ERBB4: variants seen among roughly 807,000 people sequenced by gnomAD.
The protein encoded by ERBB4 is erb-b2 receptor tyrosine kinase 4.
ERBB4 carries 42 observed loss-of-function variants against 158.0 expected under a neutral mutation model. That is an observed-to-expected ratio of 0.27 (90% CI 0.21 to 0.34). The LOEUF is 0.34. Ranked by LOEUF, ERBB4 falls within the 10% of genes least tolerant of loss-of-function variation. The pLI, the probability that ERBB4 is intolerant of heterozygous loss-of-function variation, is 1.00. For missense variants in ERBB4, 1,333 were observed against 1,624.1 expected, an observed-to-expected ratio of 0.82 and a Z score of 3.08; for synonymous variants, 583 against 558.7, an observed-to-expected ratio of 1.04 and a Z score of -0.61.
intron 1 of ERBB4, among the ~76,000 whole-genome samples, chr2:212,279,127 AAAT>A (rs1257515702): frequency 6.6e-6 from 1 of 151,660 alleles, no homozygotes; most frequent in African/African-American, 2.4e-5. Flanking sequence ...AATATTGTAT[AAAT>A]AATGAGTTAT....
intron 20 of ERBB4, among the ~76,000 whole-genome samples, chr2:211,497,489 A>C (rs1176863740): frequency 6.6e-6 from 1 of 152,126 alleles, no homozygotes; most frequent in Non-Finnish European, 1.5e-5. Flanking sequence ...CCTATAAAAA[A>C]AATCACTGAT....
rs183082389 is a variant in ERBB4, at chr2:211,975,914, A to T, written c.235-28298T>A. 7.3e-4 allele frequency among the ~76,000 whole-genome samples: 111 copies of T among 152,252 alleles called. 1 individual carries two copies. Among genetic ancestry groups the T allele is most frequent in the Admixed American group, 2.0e-4 (3 of 15,300 alleles). ...TGGTCAATTATTCTTTACTAATATT[A>T]TTCTATTTAAATGTTATCCTAACAT... On this transcript the variant is annotated intron_variant, in intron 2 of 27. Transcript: ENST00000342788.
chr2:212,374,569 G>A (rs2090255224), intron 1 of ERBB4, among the ~76,000 whole-genome samples: 1 of 151,526 alleles, frequency 6.6e-6, no homozygotes, highest in Non-Finnish European at 1.5e-5. Context: ...TTTTTAGAAG[G>A]CTTCAAGTTT....
At chr2:211,861,460 C>A (rs2078053920) in intron 3 of ERBB4, among the ~76,000 whole-genome samples, 1 of 149,842 alleles carries the variant, frequency 6.7e-6, no homozygotes, top group Non-Finnish European at 1.5e-5. Flanking sequence ...ACTTCAGCCT[C>A]TCGAAGTGCT....
chr2:211,574,587 T>A (rs1879532), intron 19 of ERBB4, among the ~76,000 whole-genome samples: 2 of 152,018 alleles, frequency 1.3e-5, no homozygotes, highest in African/African-American at 4.8e-5. Flanking sequence ...TCAGAATTGA[T>A]GTGAAAAATT....
In ERBB4 at chr2:211,597,370, T is replaced by C. The variant is rs1225976387; in HGVS notation, c.2301+21807A>G. Among the ~76,000 whole-genome samples the C allele has an allele frequency of 3.9e-5, 6 of 152,304 alleles. No homozygotes were observed. In the East Asian group the frequency reaches 1.2e-3, roughly 29 times the overall value. Reference sequence around the variant, plus strand: ...TACATATTTTCTGCATTTCTATGAGTGTATATTAGTTTATAATCAGAACAT... The same window carrying C: ...TACATATTTTCTGCATTTCTATGAGCGTATATTAGTTTATAATCAGAACAT... On this transcript the variant is annotated intron_variant, in intron 19 of 27. Transcript: ENST00000342788.
At chr2:212,185,012 C>CT (rs558105806) in intron 1 of ERBB4, among the ~76,000 whole-genome samples, 2,795 of 139,954 alleles carry the variant, frequency 0.02, 44 homozygotes, top group Non-Finnish European at 0.028. Context: ...ATCACAGTTA[C>CT]TTTTTTTTCT....
chr2:212,113,411 A>G (rs1408020790), intron 2 of ERBB4, among the ~76,000 whole-genome samples: 1 of 151,672 alleles, frequency 6.6e-6, no homozygotes, highest in Non-Finnish European at 1.5e-5. Context: ...CGTCTCTACT[A>G]AAAATACAAA....
At chr2:212,500,985 T>G (rs186013003) in intron 1 of ERBB4, among the ~76,000 whole-genome samples, 1 of 152,100 alleles carries the variant, frequency 6.6e-6, no homozygotes, top group Non-Finnish European at 1.5e-5. Flanking sequence ...AGGGGGAAAT[T>G]CATAAATATC....
chr2:212,219,698 A>C (rs907698305), intron 1 of ERBB4, among the ~76,000 whole-genome samples: 3 of 151,350 alleles, frequency 2.0e-5, no homozygotes, highest in Non-Finnish European at 3.0e-5. Flanking sequence ...CACACACCCC[A>C]TATCCTGATC....
intron 20 of ERBB4, among the ~76,000 whole-genome samples, chr2:211,515,912 A>ATATATATATATATATATATTTTTT (rs35696520): frequency 1.6e-4 from 13 of 78,980 alleles, no homozygotes; most frequent in East Asian, 3.3e-4. Flanking sequence ...ATATATATAT[A>ATATATATATATATATATATTTTTT]TTTTTTTTTT....
intron 1 of ERBB4, among the ~76,000 whole-genome samples, chr2:212,314,708 A>G (rs929486922): frequency 6.6e-6 from 1 of 151,222 alleles, no homozygotes; most frequent in Non-Finnish European, 1.5e-5. Flanking sequence ...AAAGGAAAAT[A>G]TCAATTAATA....
intron 3 of ERBB4, among the ~76,000 whole-genome samples, chr2:211,924,981 C>T (rs1167004327): frequency 6.6e-6 from 1 of 152,082 alleles, no homozygotes; most frequent in East Asian, 1.9e-4. Context: ...AGTGTCTGAG[C>T]TCCAGAGGGT....
chr2:212,415,956 T>C (rs2091639802), intron 1 of ERBB4, among the ~76,000 whole-genome samples: 1 of 151,988 alleles, frequency 6.6e-6, no homozygotes, highest in South Asian at 2.1e-4. Context: ...GAGTGCAAAA[T>C]AAAAACATGA....
intron 9 of ERBB4, among the ~76,000 whole-genome samples, chr2:211,707,087 C>G (rs1266152544): frequency 1.3e-5 from 2 of 152,100 alleles, no homozygotes; most frequent in African/African-American, 2.4e-5. Flanking sequence ...AATCAAATAT[C>G]TTGGCTTTAT....
At chr2:212,507,410 T>C (rs1208971514) in intron 1 of ERBB4, among the ~76,000 whole-genome samples, 4 of 152,190 alleles carry the variant, frequency 2.6e-5, no homozygotes, top group African/African-American at 9.7e-5. Flanking sequence ...ATATACTTCA[T>C]AAGGCTGTAC....
chr2:211,748,922 G>A (rs898487921), intron 5 of ERBB4, among the ~76,000 whole-genome samples: 1 of 152,156 alleles, frequency 6.6e-6, no homozygotes. Flanking sequence ...GCACTGGGAT[G>A]CAACTTAGCC....
At chr2:212,362,019 A>G (rs146232697) in intron 1 of ERBB4, among the ~76,000 whole-genome samples, 2,284 of 151,818 alleles carry the variant, frequency 0.015, 30 homozygotes, top group Non-Finnish European at 0.025. Flanking sequence ...TAAAAGTTTC[A>G]CATAGAAAGT....
chr2:212,375,576 G>A (rs1288268567), intron 1 of ERBB4, among the ~76,000 whole-genome samples: 1 of 152,058 alleles, frequency 6.6e-6, no homozygotes, highest in Non-Finnish European at 1.5e-5. Context: ...GATTCTGGAT[G>A]TTACAGTTCT....
Sources: allele counts gnomAD v4.1 joint callset (sites outside exome capture counted in the v4.1 genomes callset), GRCh38; gene constraint gnomAD v4.1.1; transcripts MANE v1.5; gene names NCBI Gene and HGNC (gene_info 2026-07-23, HGNC 2026-07-21).